FREM1: variants seen among roughly 807,000 people sequenced by gnomAD.
FREM1 encodes FRAS1 related extracellular matrix 1, also known as FRAS1-related extracellular matrix protein 1.
In FREM1, 220 loss-of-function variants were observed where a neutral mutation model predicts 210.1. The observed-to-expected ratio is 1.05, with a 90% CI of 0.94 to 1.17. The LOEUF is 1.17. Ranked by LOEUF, FREM1 falls within the 50% of genes most tolerant of loss-of-function variation. The probability of loss-of-function intolerance (pLI) is 0.00; values close to 1 mark genes in which losing one functional copy is unlikely to be tolerated. For synonymous variants in FREM1, 1,189 were observed against 980.2 expected, an observed-to-expected ratio of 1.21 and a Z score of -3.98; for missense variants, 3,454 against 2,675.5, an observed-to-expected ratio of 1.29 and a Z score of -6.42.
chr9:14,907,996 G>A (rs1440677588), intron 1 of FREM1, among the ~76,000 whole-genome samples: 1 of 152,144 alleles, frequency 6.6e-6, no homozygotes, highest in Non-Finnish European at 1.5e-5. Context: ...CATCCCCAGT[G>A]GGCATTCTGA....
At position 14,775,843 on chromosome 9, in the gene FREM1, T is replaced by C. The variant is rs754761317; in HGVS notation, c.4803A>G (p.Gln1601=). Residue 1601 remains glutamine (Q), a synonymous_variant, in exon 25 of 37, where the codon CAA becomes CAG. Coordinates refer to ENST00000380880, the MANE Select transcript of FREM1 (RefSeq NM_001379081.2). ...ACACTCTCCCATTCACAATAAAGCC[T>C]TGGTTTGTCCCATCTGTGGCCATGA... ...FTFMATDGTN[Q]GFIVNGRVWE... is the part of the protein sequence containing the mutation. 2 of 1,613,794 alleles carry C rather than the reference T, an allele frequency of 1.2e-6. No individual in the cohort carries two copies. Among genetic ancestry groups the C allele is most frequent in the African/African-American group, 1.3e-5 (1 of 75,002 alleles).
chr9:14,862,863 C>A (rs1830824821), intron 3 of FREM1, among the ~76,000 whole-genome samples: 1 of 152,116 alleles, frequency 6.6e-6, no homozygotes, highest in African/African-American at 2.4e-5. Context: ...GAATATACCA[C>A]ATATTGTTTA....
Position 14,848,636 on chromosome 9 carries a change from G to A in FREM1, c.1261+29C>T, listed in dbSNP as rs1457261542. On this transcript the variant is annotated intron_variant, in intron 7 of 36. Coordinates refer to ENST00000380880, the MANE Select transcript of FREM1 (RefSeq NM_001379081.2). ...TTTCTTGTATTCCCTTCAGGGCTAT[G>A]TTGCTCTATGCCTTATATTGAGCTT... 6 of 1,325,034 alleles carry A rather than the reference G, an allele frequency of 4.5e-6. No individual in the cohort carries two copies. In the Admixed American group the frequency reaches 1.0e-4, roughly 22 times the overall value. The allele number at this position is 1,325,034 out of a possible 1,614,324, so 82.1% of individuals were successfully genotyped here. A position where few individuals can be genotyped will look rare whatever the true frequency, so the allele number is the denominator to read the frequency against.
rs771415762 is a variant in FREM1, at chr9:14,825,021, T to A, written c.1882-29A>T. The A allele has an allele frequency of 8.1e-6, 12 of 1,489,604 alleles. No homozygotes were observed. The East Asian group carries it at 2.8e-4, about 35-fold the overall frequency. The allele number at this position is 1,489,604 out of a possible 1,614,324, so 92.3% of individuals were successfully genotyped here. On this transcript the variant is annotated intron_variant, in intron 10 of 36. Coordinates refer to ENST00000380880, the MANE Select transcript of FREM1 (RefSeq NM_001379081.2). ...GAATAAAAATGTCTGTACCATTAAT[T>A]TGAAATACCAAAAAAACAACAAAGA...
intron 14 of FREM1, 47 bp downstream of exon 14, chr9:14,819,187 A>G: frequency 7.3e-7 from 1 of 1,373,642 alleles, no homozygotes; most frequent in Non-Finnish European, 1.0e-6. Context: ...ACTGATCTAG[A>G]TAAGAAACTA....
At chr9:14,808,797 A>G (rs1818845846) in intron 16 of FREM1, among the ~76,000 whole-genome samples, 1 of 152,224 alleles carries the variant, frequency 6.6e-6, no homozygotes, top group Non-Finnish European at 1.5e-5. Flanking sequence ...TTAGACAGTG[A>G]CAGGAAGAAG....
intron 4 of FREM1, among the ~76,000 whole-genome samples, chr9:14,858,428 G>A (rs1191089272): frequency 6.6e-6 from 1 of 151,544 alleles, no homozygotes; most frequent in African/African-American, 2.4e-5. Context: ...TTGAAACCCT[G>A]GCCTCAAGCA....
intron 1 of FREM1, among the ~76,000 whole-genome samples, chr9:14,907,318 G>A (rs1433577629): frequency 6.6e-6 from 1 of 152,196 alleles, no homozygotes; most frequent in Non-Finnish European, 1.5e-5. Context: ...CTGCATTACA[G>A]ACAAAATATA....
chr9:14,882,732 C>T (rs1240076736), intron 1 of FREM1, among the ~76,000 whole-genome samples: 1 of 151,512 alleles, frequency 6.6e-6, no homozygotes, highest in Non-Finnish European at 1.5e-5. Flanking sequence ...GCTGGGATTA[C>T]AGGTGTGAAC....
At chr9:14,830,286 G>A (rs1042483459) in intron 10 of FREM1, among the ~76,000 whole-genome samples, 1 of 152,144 alleles carries the variant, frequency 6.6e-6, no homozygotes, top group Non-Finnish European at 1.5e-5. Flanking sequence ...GTCATTTTGT[G>A]TACTGATTTA....
rs868684645 is a variant in FREM1, at chr9:14,886,410, G to A, written c.-267-17166C>T. 7.8e-3 allele frequency among the ~76,000 whole-genome samples: 1,041 copies of A among 133,590 alleles called. 6 individuals carry two copies. Among genetic ancestry groups the A allele is most frequent in the Non-Finnish European group, 0.012 (765 of 62,940 alleles). The allele number at this position is 133,590 out of a possible 152,430, so 87.6% of individuals were successfully genotyped here. On this transcript the variant is annotated intron_variant, in intron 1 of 36. Coordinates refer to ENST00000380880, the MANE Select transcript of FREM1 (RefSeq NM_001379081.2). Reference sequence around the variant, plus strand: ...AAAAAAAAAAAAAAAAAAAAAAAAGGAAAAAGAAATAAAATACGCTAACAG... The same window carrying A: ...AAAAAAAAAAAAAAAAAAAAAAAAGAAAAAAGAAATAAAATACGCTAACAG...
chr9:14,847,210 G>C (rs747429389), intron 7 of FREM1, among the ~76,000 whole-genome samples: 29 of 152,038 alleles, frequency 1.9e-4, no homozygotes, highest in Non-Finnish European at 3.7e-4. Context: ...TCTCCCTGGA[G>C]ACATCAACAC....
At chr9:14,896,726 C>A (rs1036621049) in intron 1 of FREM1, among the ~76,000 whole-genome samples, 9 of 152,092 alleles carry the variant, frequency 5.9e-5, no homozygotes, top group African/African-American at 2.2e-4. Flanking sequence ...ACAACAACAA[C>A]AAAAACCAGA....
At chr9:14,781,296 A>T (rs1010542982) in intron 24 of FREM1, among the ~76,000 whole-genome samples, 1 of 152,210 alleles carries the variant, frequency 6.6e-6, no homozygotes, top group African/African-American at 2.4e-5. Flanking sequence ...GTGTTCAGGC[A>T]ATGCTAGCTT....
At chr9:14,801,921 T>A (rs760133801) in intron 19 of FREM1, 47 bp from the exon 20 acceptor site, 5 of 1,367,764 alleles carry the variant, frequency 3.7e-6, no homozygotes, top group Non-Finnish European at 5.1e-6. Flanking sequence ...AAAAGACAAC[T>A]TGTCTTTCTT....
chr9:14,869,066 T>A lies in FREM1; in HGVS notation c.-89A>T. 1 of 849,544 alleles carries A rather than the reference T, an allele frequency of 1.2e-6. No homozygotes were observed. Among genetic ancestry groups the A allele is most frequent in the Non-Finnish European group, 1.8e-6 (1 of 557,372 alleles). The allele number at this position is 849,544 out of a possible 1,614,324, so 52.6% of individuals were successfully genotyped here. A position where few individuals can be genotyped will look rare whatever the true frequency, so the allele number is the denominator to read the frequency against. ...TGCTTCCTCCTGGAGGGTCAGCTCA[T>A]AGTCCAAGGGGCAGGGTGAGGGGTC... On this transcript the variant is annotated 5_prime_UTR_variant, in exon 2 of 37. An upstream start codon of the reference 5' UTR is lost. Transcript: ENST00000380880.
At chr9:14,786,426 T>C (rs992359217) in intron 23 of FREM1, among the ~76,000 whole-genome samples, 1 of 152,190 alleles carries the variant, frequency 6.6e-6, no homozygotes, top group African/African-American at 2.4e-5. Context: ...AAAATTTTTT[T>C]AAAGATATTC....
intron 25 of FREM1, chr9:14,774,052 A>G (rs184531755): frequency 2.3e-4 from 117 of 508,060 alleles, no homozygotes; most frequent in African/African-American, 1.5e-3. Context: ...TTTTAATACA[A>G]AGTGCTTCTT....
At chr9:14,781,806 C>T (rs1849680083) in intron 24 of FREM1, among the ~76,000 whole-genome samples, 1 of 152,192 alleles carries the variant, frequency 6.6e-6, no homozygotes, top group Admixed American at 6.5e-5. Flanking sequence ...CGGGCTCAAG[C>T]AATTCTCTTG....
Sources: gnomAD v4.1 joint callset for allele counts (sites outside exome capture counted in the v4.1 genomes callset) on GRCh38, gnomAD v4.1.1 for gene constraint, MANE v1.5 for transcripts, NCBI Gene and HGNC (gene_info 2026-07-23, HGNC 2026-07-21) for gene names.